Variants in LUZP2 observed in about 807,000 individuals in gnomAD.
LUZP2 encodes the protein leucine zipper protein 2.
LUZP2 carries 52 observed loss-of-function variants against 51.6 expected under a neutral mutation model. The observed-to-expected ratio is 1.01, with a 90% confidence interval of 0.81 to 1.27. The LOEUF (loss-of-function observed/expected upper bound fraction) is 1.27. Among genes scored for constraint, LUZP2 ranks in the 50% most tolerant of loss-of-function variants. The probability of loss-of-function intolerance (pLI) is 0.00; values close to 1 mark genes in which losing one functional copy is unlikely to be tolerated. For missense variants in LUZP2, 436 were observed against 395.4 expected (o/e 1.10, Z -0.87); for synonymous variants, 154 against 137.3 (o/e 1.12, Z -0.85).
intron 1 of LUZP2, among the ~76,000 whole-genome samples, chr11:24,594,838 C>T (rs1853383168): frequency 7.2e-6 from 1 of 138,484 alleles, no homozygotes; most frequent in African/African-American, 2.7e-5. Flanking sequence ...TGGCTCACTG[C>T]AACCTCTGCC....
At chr11:24,997,697 G>A (rs11028327) in intron 9 of LUZP2, among the ~76,000 whole-genome samples, 58,701 of 151,480 alleles carry the variant, frequency 0.39, 13,599 homozygotes, top group East Asian at 0.68. Context: ...CCTTGCCCAT[G>A]CCTATGTCCT....
At chr11:24,870,794 A>G (rs1409406051) in intron 5 of LUZP2, among the ~76,000 whole-genome samples, 1 of 152,108 alleles carries the variant, frequency 6.6e-6, no homozygotes, top group Non-Finnish European at 1.5e-5. Flanking sequence ...GATTCATTCT[A>G]TTATAATCTT....
intron 1 of LUZP2, among the ~76,000 whole-genome samples, chr11:24,719,820 G>A (rs1265576984): frequency 2.0e-5 from 3 of 152,132 alleles, no homozygotes; most frequent in Non-Finnish European, 2.9e-5. Flanking sequence ...AATTCTCTTA[G>A]ATCCCTGACC....
intron 9 of LUZP2, among the ~76,000 whole-genome samples, chr11:25,033,836 G>C (rs1226526172): frequency 6.6e-6 from 1 of 151,964 alleles, no homozygotes; most frequent in Non-Finnish European, 1.5e-5. Context: ...TGAAAAACAG[G>C]CACCTGGGTC....
rs76319394 is a variant in LUZP2, at chr11:24,992,566, T to C, written c.765+9273T>C. Among the ~76,000 whole-genome samples the C allele has an allele frequency of 6.8e-3, 1,032 of 152,238 alleles. 34 individuals carry two copies. In the East Asian group the frequency reaches 0.099, roughly 15 times the overall value. On this transcript the variant is annotated intron_variant, in intron 9 of 11. Transcript: ENST00000336930. ...ACCAAACTTTCAAAACAATGTGATA[T>C]ACAGAAACTATTCAATTAATATTTG...
rs770909829 is a variant in LUZP2 at position 24,991,392 on chromosome 11, G to GTATATATATATATA, written c.765+8100_765+8101insATATATATATATAT. Among the ~76,000 whole-genome samples, 612 of 104,262 alleles carry GTATATATATATATA rather than the reference G, an allele frequency of 5.9e-3. 7 individuals are homozygous for GTATATATATATATA. The highest frequency in any genetic ancestry group is 0.017 in the Middle Eastern group (3 of 178). 68.4% of individuals were successfully genotyped at this position (104,262 alleles called of 152,430 possible). A position where few individuals can be genotyped will look rare whatever the true frequency, so the allele number is the denominator to read the frequency against. On this transcript the variant is annotated intron_variant, in intron 9 of 11. Coordinates refer to ENST00000336930, the MANE Select transcript of LUZP2 (RefSeq NM_001009909.4). Reference sequence around the variant, plus strand: ...TGTATATATATGTGTGTGTGTGTGTGTGTGTATATATATATATATATATAT... The same window carrying GTATATATATATATA: ...TGTATATATATGTGTGTGTGTGTGTGTATATATATATATATGTGTATATATATATATATATATAT...
At chr11:25,015,182 A>G (rs189938369) in intron 9 of LUZP2, among the ~76,000 whole-genome samples, 1 of 152,312 alleles carries the variant, frequency 6.6e-6, no homozygotes, top group African/African-American at 2.4e-5. Flanking sequence ...AATTCTCACA[A>G]AACACTAAAA....
intron 5 of LUZP2, among the ~76,000 whole-genome samples, chr11:24,845,403 G>A (rs970394654): frequency 1.3e-5 from 2 of 152,132 alleles, no homozygotes; most frequent in Non-Finnish European, 2.9e-5. Context: ...ATGTGTGAAA[G>A]GGAATTGCTT....
At chr11:24,960,155 T>G (rs1855348090) in intron 7 of LUZP2, among the ~76,000 whole-genome samples, 1 of 152,182 alleles carries the variant, frequency 6.6e-6, no homozygotes, top group Non-Finnish European at 1.5e-5. Flanking sequence ...GGTTTGCCAG[T>G]ATTTTATTGA....
chr11:24,914,542 A>G lies in LUZP2; in HGVS notation c.522+4A>G. The G allele has an allele frequency of 6.3e-7, 1 of 1,596,864 alleles. No individual in the cohort carries two copies. On this transcript the variant is annotated splice_donor_region_variant and intron_variant, in intron 7 of 11. Transcript: ENST00000336930. ...GAAGAAGGATTTATTATTTAAGGTG[A>G]GTCTCTTTTCTCTCTTTTCCCTGAA...
At chr11:24,960,483 G>GTA (rs1554945974) in intron 7 of LUZP2, among the ~76,000 whole-genome samples, 10 of 150,570 alleles carry the variant, frequency 6.6e-5, no homozygotes, top group Admixed American at 6.6e-4. Flanking sequence ...TCTTGGGAGA[G>GTA]TGTGTTGAGG....
intron 1 of LUZP2, among the ~76,000 whole-genome samples, chr11:24,585,785 T>A (rs1306929600): frequency 6.6e-6 from 1 of 152,062 alleles, no homozygotes; most frequent in African/African-American, 2.4e-5. Context: ...GACAAACCTA[T>A]GCCTATTTTA....
intron 9 of LUZP2, among the ~76,000 whole-genome samples, chr11:25,003,133 G>T (rs1448797895): frequency 2.0e-5 from 3 of 152,210 alleles, no homozygotes; most frequent in African/African-American, 4.8e-5. Context: ...TAGCTAGAAA[G>T]TTCAAGAGAT....
chr11:24,578,287 TTAC>T (rs1852725593), intron 1 of LUZP2, among the ~76,000 whole-genome samples: 1 of 152,164 alleles, frequency 6.6e-6, no homozygotes, highest in African/African-American at 2.4e-5. Flanking sequence ...CTTTTACATC[TTAC>T]TGTCCAGAAA....
chr11:24,657,379 CCTT>C lies in LUZP2; in HGVS notation c.63-71788_63-71786del, dbSNP rs374832722. ...ACGTTTAGAACTAGGATTCAACAAACCTTCATGCTAAAAACTCTCAATAAATTA... is the reference window on the plus strand; with the variant it reads ...ACGTTTAGAACTAGGATTCAACAAACCATGCTAAAAACTCTCAATAAATTA... On this transcript the variant is annotated intron_variant, in intron 1 of 11. Coordinates refer to ENST00000336930, the MANE Select transcript of LUZP2 (RefSeq NM_001009909.4). 3.3e-4 allele frequency among the ~76,000 whole-genome samples: 50 copies of C among 152,176 alleles called. No individual in the cohort carries two copies. In the East Asian group the frequency reaches 8.3e-3, roughly 25 times the overall value.
intron 1 of LUZP2, among the ~76,000 whole-genome samples, chr11:24,558,796 T>G (rs1174732816): frequency 2.0e-5 from 3 of 152,168 alleles, no homozygotes; most frequent in African/African-American, 7.2e-5. Context: ...TGTTTGTCAC[T>G]TTTGTCCTTT....
At position 24,792,209 on chromosome 11, in the gene LUZP2, A is replaced by G. The variant is rs150611385; in HGVS notation, c.396+28901A>G. 9.4e-4 allele frequency among the ~76,000 whole-genome samples: 143 copies of G among 152,090 alleles called. 1 individual carries two copies. The highest frequency in any genetic ancestry group is 2.1e-3 in the South Asian group (10 of 4,816). Reference sequence around the variant, plus strand: ...TTTGGGAGGTGGAGGCAGGCGGGCCATGAGGTCAGGAAATTGAGACCATCC... The same window carrying G: ...TTTGGGAGGTGGAGGCAGGCGGGCCGTGAGGTCAGGAAATTGAGACCATCC... On this transcript the variant is annotated intron_variant, in intron 5 of 11. Coordinates refer to ENST00000336930, the MANE Select transcript of LUZP2 (RefSeq NM_001009909.4).
At chr11:24,992,024 T>C (rs1856363133) in intron 9 of LUZP2, among the ~76,000 whole-genome samples, 1 of 152,144 alleles carries the variant, frequency 6.6e-6, no homozygotes, top group South Asian at 2.1e-4. Context: ...GAGTTGTCTG[T>C]ATACTCTGCT....
At chr11:24,991,390 G>GTATATATATATATA (rs748533379) in intron 9 of LUZP2, among the ~76,000 whole-genome samples, 1 of 63,522 alleles carries the variant, frequency 1.6e-5, no homozygotes, top group Non-Finnish European at 4.0e-5. Context: ...GTGTGTGTGT[G>GTATATATATATATA]TGTGTGTATA....
Sources: allele counts gnomAD v4.1 joint callset (sites outside exome capture counted in the v4.1 genomes callset), GRCh38; gene constraint gnomAD v4.1.1; transcripts MANE v1.5; gene names NCBI Gene and HGNC (gene_info 2026-07-23, HGNC 2026-07-21).